ANKRD30B: variants seen among roughly 807,000 people sequenced by gnomAD.
ANKRD30B encodes ankyrin repeat domain 30B, also known as ankyrin repeat domain-containing protein 30B.
Under a neutral mutation model 202.2 loss-of-function variants are expected in ANKRD30B, and 144 were observed. The observed-to-expected ratio is 0.71, with a 90% CI of 0.62 to 0.82. The LOEUF (loss-of-function observed/expected upper bound fraction) is 0.82. ANKRD30B is among the 40% of genes least tolerant of loss of function. The pLI is 0.00. For synonymous variants in ANKRD30B, 508 were observed against 561.3 expected (o/e 0.91, Z 1.34); for missense variants, 1,487 against 1,669.1 (o/e 0.89, Z 1.90).
intron 34 of ANKRD30B, among the ~76,000 whole-genome samples, chr18:14,836,744 A>T (rs1385202057): frequency 6.6e-6 from 1 of 151,930 alleles, no homozygotes; most frequent in Non-Finnish European, 1.5e-5. Context: ...CAGTTTTACC[A>T]CATCACTCTG....
chr18:14,854,667 AC>A (rs1382434794), downstream of ANKRD30B, among the ~76,000 whole-genome samples: 1 of 152,184 alleles, frequency 6.6e-6, no homozygotes, highest in Non-Finnish European at 1.5e-5. Flanking sequence ...TTATAAAAAC[AC>A]AAATTTCCTT....
chr18:14,908,433 C>T, the ANKRD30B span, among the ~76,000 whole-genome samples: 1 of 152,152 alleles, frequency 6.6e-6, no homozygotes, highest in African/African-American at 2.4e-5. Context: ...ACCTCTTTGA[C>T]CTTTGGCTGC....
At chr18:14,908,531 C>T in the ANKRD30B span, among the ~76,000 whole-genome samples, 13 of 152,222 alleles carry the variant, frequency 8.5e-5, 1 homozygote, top group African/African-American at 1.2e-4. Flanking sequence ...CCACTCTGCG[C>T]CTCACTGTGC....
At chr18:14,897,742 A>T in the ANKRD30B span, among the ~76,000 whole-genome samples, 1 of 152,192 alleles carries the variant, frequency 6.6e-6, no homozygotes, top group Non-Finnish European at 1.5e-5. Context: ...AGGTCAAATG[A>T]ATAAAATGTC....
the ANKRD30B span, among the ~76,000 whole-genome samples, chr18:14,910,325 A>T: frequency 6.6e-6 from 1 of 152,116 alleles, no homozygotes; most frequent in African/African-American, 2.4e-5. Flanking sequence ...ATACATGAGA[A>T]CATGTGGCAT....
rs144084711 is a variant in ANKRD30B at position 14,754,387 on chromosome 18, A to C, written c.511-512A>C. On this transcript the variant is annotated intron_variant, in intron 3 of 43. Coordinates refer to ENST00000690538, the MANE Select transcript of ANKRD30B (RefSeq NM_001367607.2). Reference sequence around the variant, plus strand: ...GTATTAGGCAAAGTTCAAGTCATTTATTGAATAATGGACATTTAGTTCACA... The same window carrying C: ...GTATTAGGCAAAGTTCAAGTCATTTCTTGAATAATGGACATTTAGTTCACA... Among the ~76,000 whole-genome samples, 250 of 152,304 alleles carry C rather than the reference A, an allele frequency of 1.6e-3. 3 individuals carry two copies. The highest frequency in any genetic ancestry group is 2.2e-4 in the Non-Finnish European group (15 of 68,000).
chr18:14,852,528 T>G, intron 42 of ANKRD30B, 108 bp downstream of exon 42: 3 of 1,323,760 alleles, frequency 2.3e-6, no homozygotes, highest in Non-Finnish European at 2.0e-6. Flanking sequence ...ATGATAAATG[T>G]ACTTACTATA....
chr18:14,799,063 T>C (rs1433457835), intron 20 of ANKRD30B, 38 bp from the exon 21 acceptor site: 2 of 1,527,882 alleles, frequency 1.3e-6, no homozygotes, highest in African/African-American at 2.7e-5. Flanking sequence ...TTTGTCAAGC[T>C]TGCATATAAT....
intron 3 of ANKRD30B, 86 bp from the exon 4 acceptor site, chr18:14,754,813 A>G (rs1215966512): frequency 7.7e-6 from 7 of 912,296 alleles, no homozygotes; most frequent in African/African-American, 1.7e-5. Context: ...TTATGTGTTT[A>G]AGTTAATAGG....
chr18:14,777,166 A>G (rs1967410049), intron 9 of ANKRD30B, among the ~76,000 whole-genome samples: 1 of 152,208 alleles, frequency 6.6e-6, no homozygotes, highest in Admixed American at 6.5e-5. Flanking sequence ...TAACCCAGTC[A>G]ATAGCCACAT....
chr18:14,806,016 C>A (rs1969487629), intron 24 of ANKRD30B, among the ~76,000 whole-genome samples: 1 of 150,172 alleles, frequency 6.7e-6, no homozygotes, highest in Admixed American at 6.6e-5. Context: ...GTCAGGAGAT[C>A]CAGACCATCC....
At chr18:14,934,908 CCACACACACACACACACA>C in the ANKRD30B span, among the ~76,000 whole-genome samples, 1 of 134,602 alleles carries the variant, frequency 7.4e-6, no homozygotes, top group Non-Finnish European at 1.6e-5. Context: ...CCTCCCTCTA[CCACACACACACACACACA>C]CACACACACA....
intron 3 of ANKRD30B, among the ~76,000 whole-genome samples, chr18:14,754,513 G>A (rs1914013231): frequency 6.6e-6 from 1 of 152,096 alleles, no homozygotes; most frequent in East Asian, 1.9e-4. Flanking sequence ...AAGAAACACT[G>A]CTCTAGAGGT....
chr18:14,760,682 A>C, intron 6 of ANKRD30B, 64 bp downstream of exon 6: 1 of 1,204,554 alleles, frequency 8.3e-7, no homozygotes, highest in Non-Finnish European at 1.2e-6. Flanking sequence ...AGTGCTGATC[A>C]CAAAAAAGCA....
At chr18:14,937,861 G>GA in the ANKRD30B span, among the ~76,000 whole-genome samples, 8 of 152,252 alleles carry the variant, frequency 5.3e-5, no homozygotes, top group East Asian at 1.5e-3. Flanking sequence ...AAACCCCATA[G>GA]AAAAGCAAAG....
chr18:14,757,764 C>G, intron 4 of ANKRD30B, 51 bp from the exon 5 acceptor site: 1 of 1,578,652 alleles, frequency 6.3e-7, no homozygotes, highest in Non-Finnish European at 8.6e-7. Context: ...CACTGATAGG[C>G]ACATATTAAA....
chr18:14,924,637 A>G, the ANKRD30B span, among the ~76,000 whole-genome samples: 3 of 152,378 alleles, frequency 2.0e-5, no homozygotes, highest in African/African-American at 7.2e-5. Flanking sequence ...CAGACAGACG[A>G]GGTCCATGAG....
rs1332073222 is a variant in ANKRD30B, at chr18:14,763,880, A to T, written c.1015A>T (p.Ile339Phe). 1 of 1,612,710 alleles carries T rather than the reference A, an allele frequency of 6.2e-7. No individual in the cohort carries two copies. Reference protein sequence around the residue: ...EQSTEETPRKILRPTKETSEK... With the variant: ...EQSTEETPRKFLRPTKETSEK... ...GTCAACAGAAGAAACACCTAGGAAA[A>T]TTTTGAGGCCTACAAAAGAAACATC... Residue 339 changes from isoleucine (I) to phenylalanine (F), a missense_variant, in exon 7 of 44, where the codon ATT (isoleucine) becomes TTT (phenylalanine). By Grantham distance (21) the Ile-to-Phe change is conservative. Coordinates refer to ENST00000690538, the MANE Select transcript of ANKRD30B (RefSeq NM_001367607.2).
chr18:14,855,966 GAT>G (rs1253334812), downstream of ANKRD30B, among the ~76,000 whole-genome samples: 4 of 148,066 alleles, frequency 2.7e-5, no homozygotes, highest in African/African-American at 5.0e-5. Flanking sequence ...CCTCCCAGAT[GAT>G]GGGCAGCTGG....
Sources: gnomAD v4.1 joint callset for allele counts (sites outside exome capture counted in the v4.1 genomes callset) on GRCh38, gnomAD v4.1.1 for gene constraint, MANE v1.5 for transcripts, NCBI Gene and HGNC (gene_info 2026-07-23, HGNC 2026-07-21) for gene names.